ABLIM2: variants seen among roughly 807,000 people sequenced by gnomAD.
The protein encoded by ABLIM2 is actin binding LIM protein family member 2, also known as actin-binding LIM protein 2.
ABLIM2 carries 53 observed loss-of-function variants against 97.7 expected under a neutral mutation model. The ratio of observed to expected loss-of-function variants is 0.54; its 90% CI spans 0.44 to 0.68. The LOEUF (loss-of-function observed/expected upper bound fraction) is 0.68, where lower values mean the gene tolerates loss of function less well. ABLIM2 is among the 30% of genes least tolerant of loss of function. ABLIM2 has a pLI of 0.00. For synonymous variants in ABLIM2, 361 were observed against 345.8 expected, an observed-to-expected ratio of 1.04 and a Z score of -0.49; for missense variants, 835 against 867.2, an observed-to-expected ratio of 0.96 and a Z score of 0.47.
intron 1 of ABLIM2, among the ~76,000 whole-genome samples, chr4:8,109,733 G>T (rs935526216): frequency 6.6e-6 from 1 of 152,222 alleles, no homozygotes; most frequent in Non-Finnish European, 1.5e-5. Flanking sequence ...AGAGGGGTTG[G>T]CCTGGGAAGC....
At position 7,983,535 on chromosome 4, in the gene ABLIM2, G is replaced by A. The variant is rs373344302; in HGVS notation, c.1743+12C>T. The A allele has an allele frequency of 1.4e-5, 23 of 1,612,970 alleles. No individual in the cohort carries two copies. The highest frequency in any genetic ancestry group is 4.0e-5 in the African/African-American group (3 of 74,914). On this transcript the variant is annotated intron_variant, in intron 19 of 20. Transcript: ENST00000447017. ...GCGGCACGGAGGTCAGTGTGGGAGCGGCCCCGCTTACCTTGTATTCTGTAA... is the reference window on the plus strand; with the variant it reads ...GCGGCACGGAGGTCAGTGTGGGAGCAGCCCCGCTTACCTTGTATTCTGTAA...
In ABLIM2 at chr4:8,008,087, T is replaced by C. The variant is rs1762565382; in HGVS notation, c.1590A>G (p.Gln530=). The C allele has an allele frequency of 1.2e-6, 2 of 1,614,034 alleles. No homozygotes were observed. The highest frequency in any genetic ancestry group is 1.7e-6 in the Non-Finnish European group (2 of 1,179,896). ...AGTGAAAGCTGTCCCCTGCCATCCT[T>C]TGGAGAGGGTCTCTGTCGGTCCCGC... ...HSSGTDRDPL[Q]RMAGDSFHSR... is the part of the protein sequence containing the mutation. Residue 530 remains glutamine, a synonymous_variant, in exon 16 of 21, where the codon CAA becomes CAG. Coordinates refer to ENST00000447017, the MANE Select transcript of ABLIM2 (RefSeq NM_001130083.2).
In ABLIM2 at chr4:8,058,950, C is replaced by T. The variant is rs1466390758; in HGVS notation, c.763+2017G>A. Among the ~76,000 whole-genome samples, 6 of 152,128 alleles carry T rather than the reference C, an allele frequency of 3.9e-5. No homozygotes were observed. In the South Asian group the frequency reaches 6.2e-4, roughly 16 times the overall value. On this transcript the variant is annotated intron_variant, in intron 7 of 20. Coordinates refer to ENST00000447017, the MANE Select transcript of ABLIM2 (RefSeq NM_001130083.2). The surrounding 1 kb of genome is among the most constrained non-coding windows in gnomAD (Gnocchi z 4.2). ...TCAGCAAGAAGCCCAGTACCTCGAG[C>T]GACTTTCCACCTGCTGCCCCAACCC...
chr4:7,995,506 C>T (rs998179734), intron 16 of ABLIM2, among the ~76,000 whole-genome samples: 6 of 152,166 alleles, frequency 3.9e-5, no homozygotes, highest in Non-Finnish European at 8.8e-5. Flanking sequence ...GATGCTTCTC[C>T]GGGGGCCTTT....
At chr4:8,129,271 G>A (rs533142110) in intron 1 of ABLIM2, among the ~76,000 whole-genome samples, 15 of 152,140 alleles carry the variant, frequency 9.9e-5, no homozygotes, top group South Asian at 8.3e-4. Context: ...CGTATGCCCC[G>A]CCCCCTCTGT....
chr4:8,052,561 C>T (rs1796711238), intron 8 of ABLIM2, among the ~76,000 whole-genome samples: 1 of 152,242 alleles, frequency 6.6e-6, no homozygotes, highest in Admixed American at 6.5e-5. Flanking sequence ...TCCCCTGGGA[C>T]CCCCTCCCCT....
At chr4:8,035,637 A>C (rs1381122328) in intron 10 of ABLIM2, among the ~76,000 whole-genome samples, 1 of 152,238 alleles carries the variant, frequency 6.6e-6, no homozygotes, top group Admixed American at 6.5e-5. Context: ...GAAACCTCTG[A>C]GGAGTAGGAA....
intron 1 of ABLIM2, among the ~76,000 whole-genome samples, chr4:8,156,454 G>A (rs1400051640): frequency 1.3e-5 from 2 of 152,162 alleles, no homozygotes; most frequent in Non-Finnish European, 1.5e-5. Context: ...ATAAACAATC[G>A]CTCTGGCCAC....
rs1323175823 is a variant in ABLIM2, at chr4:8,032,643, G to T, written c.1048-2867C>A. The T allele has an allele frequency of 1.2e-6, 2 of 1,612,364 alleles. No homozygotes were observed. Among genetic ancestry groups the T allele is most frequent in the African/African-American group, 1.3e-5 (1 of 74,886 alleles). On this transcript the variant is annotated intron_variant, in intron 10 of 20. Coordinates refer to ENST00000447017, the MANE Select transcript of ABLIM2 (RefSeq NM_001130083.2). This position sits in a 1 kb window ranked among gnomAD's most constrained non-coding sequence, Gnocchi z 4.3. ...AGCGGGGACAGGCGAGAGGGTGGTG[G>T]TTACCTCGGTCGGCGTTGGCGAGAG... is the stretch of plus-strand genomic sequence containing the variant.
At chr4:8,077,758 C>T (rs374953999) in intron 5 of ABLIM2, 37 bp from the exon 6 acceptor site, 96 of 1,562,074 alleles carry the variant, frequency 6.1e-5, no homozygotes, top group Non-Finnish European at 8.0e-5. Flanking sequence ...GGGCGGGTGT[C>T]GCCCGAGGAC....
rs974686872 is a variant in ABLIM2 at position 7,970,693 on chromosome 4, G to A, written c.1825-3590C>T. On this transcript the variant is annotated intron_variant, in intron 20 of 20. Coordinates refer to ENST00000447017, the MANE Select transcript of ABLIM2 (RefSeq NM_001130083.2). This position sits in a 1 kb window ranked among gnomAD's most constrained non-coding sequence, Gnocchi z 5.3. ...CCTTGGGGATGACTGTGGGGGGGCG[G>A]TGGAGGGAGCATCTGGGTGGCTTCT... Among the ~76,000 whole-genome samples the A allele has an allele frequency of 6.6e-6, 1 of 151,952 alleles. No homozygotes were observed. The highest frequency in any genetic ancestry group is 1.5e-5 in the Non-Finnish European group (1 of 67,992).
At chr4:8,020,998 A>G (rs1233199890) in intron 12 of ABLIM2, among the ~76,000 whole-genome samples, 1 of 151,828 alleles carries the variant, frequency 6.6e-6, no homozygotes, top group African/African-American at 2.4e-5. Context: ...CTGGGACCAC[A>G]GGTGTGCACT....
In ABLIM2 at chr4:8,113,156, G is replaced by A. The variant is rs150035927; in HGVS notation, c.11-6519C>T. On this transcript the variant is annotated intron_variant, in intron 1 of 20. Transcript: ENST00000447017. The surrounding 1 kb of genome is among the most constrained non-coding windows in gnomAD (Gnocchi z 4.5). ...GTCAACCAGGCTGGAGTGCAGTGGC[G>A]CAGTCTCAGCTCACTGCAGCCTCAA... Among the ~76,000 whole-genome samples the A allele has an allele frequency of 0.2, 30,500 of 152,018 alleles. 3,356 individuals are homozygous for A. Among genetic ancestry groups the A allele is most frequent in the Non-Finnish European group, 0.24 (16,094 of 67,964 alleles).
At chr4:8,102,370 G>T (rs1365888652) in intron 2 of ABLIM2, among the ~76,000 whole-genome samples, 2 of 152,098 alleles carry the variant, frequency 1.3e-5, no homozygotes, top group Non-Finnish European at 2.9e-5. Context: ...TCCCTAGCAG[G>T]GCTCACTTTC....
At chr4:8,146,549 A>G (rs4696770) in intron 1 of ABLIM2, among the ~76,000 whole-genome samples, 86,931 of 152,054 alleles carry the variant, frequency 0.57, 25,669 homozygotes, top group Admixed American at 0.66. Flanking sequence ...TTATTTATAT[A>G]TATTTTTGGA....
intron 2 of ABLIM2, among the ~76,000 whole-genome samples, chr4:8,105,176 G>A (rs1185880117): frequency 6.6e-6 from 1 of 152,192 alleles, no homozygotes; most frequent in Non-Finnish European, 1.5e-5. Flanking sequence ...CCTTGCTTCT[G>A]CCAGGCAGAT....
chr4:7,981,515 T>G (rs1738427410), intron 20 of ABLIM2, among the ~76,000 whole-genome samples: 1 of 152,232 alleles, frequency 6.6e-6, no homozygotes, highest in Admixed American at 6.5e-5. Flanking sequence ...CTGCACCTCT[T>G]GGGTGGTCAC....
At chr4:8,024,479 C>A (rs1291019713) in intron 12 of ABLIM2, among the ~76,000 whole-genome samples, 1 of 152,170 alleles carries the variant, frequency 6.6e-6, no homozygotes, top group African/African-American at 2.4e-5. Context: ...GAAATGTCCA[C>A]TGAGAGGGGC....
In ABLIM2 at chr4:8,082,813, C is replaced by T. The variant is rs889922528; in HGVS notation, c.455-2011G>A. Among the ~76,000 whole-genome samples the T allele has an allele frequency of 6.6e-6, 1 of 152,184 alleles. No homozygotes were observed. Among genetic ancestry groups the T allele is most frequent in the African/African-American group, 2.4e-5 (1 of 41,450 alleles). The stretch of plus-strand genomic sequence containing the variant: ...GCCCTTCTCAAGTCCAGGAGGCGAC[C>T]CCCACATCACCCAATCTGCCGCGCT... On this transcript the variant is annotated intron_variant, in intron 4 of 20. Transcript: ENST00000447017. This position sits in a 1 kb window ranked among gnomAD's most constrained non-coding sequence, Gnocchi z 5.6.
Sources: gnomAD v4.1 joint callset for allele counts (sites outside exome capture counted in the v4.1 genomes callset) on GRCh38, gnomAD v4.1.1 for gene constraint, Gnocchi (gnomAD v3.1) non-coding constraint, MANE v1.5 for transcripts, NCBI Gene and HGNC (gene_info 2026-07-23, HGNC 2026-07-21) for gene names.